SMG6: variants seen among roughly 807,000 people sequenced by gnomAD.
SMG6 encodes SMG6 nonsense mediated mRNA decay factor, also known as telomerase-binding protein EST1A.
SMG6 carries 66 observed loss-of-function variants against 142.2 expected under a neutral mutation model. That is an observed-to-expected ratio of 0.46 (90% CI 0.38 to 0.57). The LOEUF is 0.57. Ranked by LOEUF, SMG6 falls within the 20% of genes least tolerant of loss-of-function variation. SMG6 has a pLI of 0.00. For synonymous variants in SMG6, 779 were observed against 702.4 expected (o/e 1.11, Z -1.72); for missense variants, 1,793 against 1,832.0 (o/e 0.98, Z 0.39).
rs1389269753 is a variant in SMG6, at chr17:2,082,017, AC to A, written c.3535-62del. On this transcript the variant is annotated intron_variant, in intron 14 of 18. Transcript: ENST00000263073. Reference sequence around the variant, plus strand: ...ACAGTTAGCTGGGCCCATGGCTCTTACTGAACCCAACATTGCCCTTGTGGCC... The same window carrying A: ...ACAGTTAGCTGGGCCCATGGCTCTTATGAACCCAACATTGCCCTTGTGGCC... 3.8e-6 allele frequency: 6 copies of A among 1,581,322 alleles called. No individual in the cohort carries two copies. In the African/African-American group the frequency reaches 8.1e-5, roughly 21 times the overall value.
chr17:2,277,387 C>T (rs183902132), intron 8 of SMG6, among the ~76,000 whole-genome samples: 6 of 151,804 alleles, frequency 4.0e-5, no homozygotes, highest in Non-Finnish European at 7.4e-5. Flanking sequence ...AGGATGGTCT[C>T]GATCTCCTGA....
intron 12 of SMG6, among the ~76,000 whole-genome samples, chr17:2,183,783 C>G (rs1340115050): frequency 8.7e-6 from 1 of 114,720 alleles, no homozygotes. Context: ...CACACACACA[C>G]ACACACACAG....
chr17:2,265,113 C>T (rs1341793692), intron 8 of SMG6, among the ~76,000 whole-genome samples: 1 of 152,082 alleles, frequency 6.6e-6, no homozygotes, highest in Non-Finnish European at 1.5e-5. Context: ...GGTTCTCAAC[C>T]AGAATATGAC....
intron 8 of SMG6, among the ~76,000 whole-genome samples, chr17:2,265,055 G>A (rs2074391073): frequency 1.1e-4 from 17 of 152,140 alleles, no homozygotes. Context: ...AAATGAAGGA[G>A]TAAACCTTAA....
At chr17:2,270,641 T>C (rs1404315187) in intron 8 of SMG6, among the ~76,000 whole-genome samples, 1 of 152,208 alleles carries the variant, frequency 6.6e-6, no homozygotes, top group Non-Finnish European at 1.5e-5. Flanking sequence ...TAAAATACTT[T>C]AAAAGGCAAT....
chr17:2,140,671 C>A (rs1170390025), intron 13 of SMG6, among the ~76,000 whole-genome samples: 1,106 of 106,490 alleles, frequency 0.01, no homozygotes, highest in Middle Eastern at 0.022. Flanking sequence ...GATTCCATCT[C>A]AAAAAAAAAA....
At chr17:2,280,356 G>A (rs544333886) in intron 8 of SMG6, among the ~76,000 whole-genome samples, 3 of 152,132 alleles carry the variant, frequency 2.0e-5, no homozygotes, top group African/African-American at 7.2e-5. Flanking sequence ...TCCGCCTCCC[G>A]GGTTCAAGCA....
In SMG6 at chr17:2,065,493, C is replaced by A; in HGVS notation, c.4022G>T (p.Arg1341Leu). 1 of 1,613,216 alleles carries A rather than the reference C, an allele frequency of 6.2e-7. No individual in the cohort carries two copies. Among genetic ancestry groups the A allele is most frequent in the Non-Finnish European group, 8.5e-7 (1 of 1,179,960 alleles). ...RGNELESIAFRSEDITGQLGN... is the reference protein window; with the variant it reads ...RGNELESIAFLSEDITGQLGN... ...CAGCTGGCCAGTGATGTCCTCACTG[C>A]GGAAGGCGATGGATTCGAGTTCATT... The change falls in exon 17 of 19, where the codon CGC becomes CTC. Residue 1341 changes from arginine to leucine, a missense_variant. Coordinates refer to ENST00000263073, the MANE Select transcript of SMG6 (RefSeq NM_017575.5).
intron 9 of SMG6, among the ~76,000 whole-genome samples, chr17:2,238,356 C>T (rs1453637010): frequency 3.9e-5 from 6 of 152,030 alleles, no homozygotes; most frequent in Admixed American, 3.3e-4. Flanking sequence ...CAAAACAAAA[C>T]TCTTTTTTTT....
chr17:2,069,811 T>C (rs2151395263), intron 15 of SMG6, among the ~76,000 whole-genome samples: 1 of 152,270 alleles, frequency 6.6e-6, no homozygotes, highest in Non-Finnish European at 1.5e-5. Flanking sequence ...ACCAGCGCAG[T>C]TTCCTAAACA....
intron 18 of SMG6, 138 bp from the exon 19 acceptor site, chr17:2,061,760 C>T: frequency 2.0e-6 from 2 of 1,022,032 alleles, no homozygotes; most frequent in Admixed American, 2.2e-5. Context: ...CAGTCCTTTC[C>T]TCCGTCCGGG....
intron 14 of SMG6, 146 bp from the exon 15 acceptor site, chr17:2,082,102 T>TTTGC: frequency 2.7e-6 from 2 of 745,868 alleles, no homozygotes; most frequent in Non-Finnish European, 4.4e-6. Context: ...TGTGCTTCCC[T>TTTGC]CTACTCAGGC....
chr17:2,103,762 G>C (rs1462406408), intron 13 of SMG6, among the ~76,000 whole-genome samples: 1 of 152,014 alleles, frequency 6.6e-6, no homozygotes, highest in Non-Finnish European at 1.5e-5. Context: ...CCAAACCTGT[G>C]AGCCCTATAG....
At chr17:2,098,615 G>A (rs540710371) in intron 13 of SMG6, among the ~76,000 whole-genome samples, 1 of 152,084 alleles carries the variant, frequency 6.6e-6, no homozygotes, top group Admixed American at 6.6e-5. Flanking sequence ...CCCTTCTCAG[G>A]TTTATGTTAC....
chr17:2,102,265 T>C (rs1387865581), intron 13 of SMG6, among the ~76,000 whole-genome samples: 1 of 152,228 alleles, frequency 6.6e-6, no homozygotes, highest in Non-Finnish European at 1.5e-5. Flanking sequence ...ATGAATACAA[T>C]GTATAATAAT....
intron 8 of SMG6, among the ~76,000 whole-genome samples, chr17:2,271,442 G>A (rs1259276054): frequency 1.3e-5 from 2 of 151,774 alleles, no homozygotes; most frequent in African/African-American, 4.8e-5. Context: ...AGCCAGGCAT[G>A]GTGGCTCATG....
chr17:2,269,514 G>A (rs752896988), intron 8 of SMG6, among the ~76,000 whole-genome samples: 2 of 151,322 alleles, frequency 1.3e-5, no homozygotes, highest in Admixed American at 6.6e-5. Flanking sequence ...TGTGGTGAAC[G>A]TTCTGTGCTA....
chr17:2,169,676 G>A (rs2071445508), intron 13 of SMG6, among the ~76,000 whole-genome samples: 2 of 152,318 alleles, frequency 1.3e-5, no homozygotes, highest in Non-Finnish European at 2.9e-5. Context: ...TTGAAGGACA[G>A]TAGGAGGACC....
chr17:2,198,184 G>A (rs966128087), intron 10 of SMG6, among the ~76,000 whole-genome samples: 9 of 152,194 alleles, frequency 5.9e-5, no homozygotes, highest in Admixed American at 2.0e-4. Flanking sequence ...ACCAATACGT[G>A]CAGTGAGTTG....
Sources: gnomAD v4.1 joint callset for allele counts (sites outside exome capture counted in the v4.1 genomes callset) on GRCh38, gnomAD v4.1.1 for gene constraint, MANE v1.5 for transcripts, NCBI Gene and HGNC (gene_info 2026-07-23, HGNC 2026-07-21) for gene names.